Variants in IRAK3 observed in about 807,000 individuals in gnomAD.
IRAK3 encodes interleukin 1 receptor associated kinase 3.
In IRAK3, 57 loss-of-function variants were observed where a neutral mutation model predicts 56.6. The observed-to-expected ratio is 1.01, with a 90% CI of 0.81 to 1.26. The LOEUF is 1.26. Ranked by LOEUF, IRAK3 falls within the 50% of genes most tolerant of loss-of-function variation. IRAK3 has a pLI of 0.00. For synonymous variants in IRAK3, 258 were observed against 255.7 expected (o/e 1.01, Z -0.09); for missense variants, 703 against 719.0 (o/e 0.98, Z 0.25).
intron 8 of IRAK3, among the ~76,000 whole-genome samples, chr12:66,243,316 T>A (rs1044246799): frequency 1.3e-5 from 2 of 152,226 alleles, no homozygotes; most frequent in African/African-American, 2.4e-5. Context: ...GGAGCTTTTG[T>A]AAGATCCAAA....
rs533116093 is a variant in IRAK3 at position 66,220,998 on chromosome 12, G to C, written c.653+3763G>C. 3.2e-4 allele frequency among the ~76,000 whole-genome samples: 49 copies of C among 152,196 alleles called. 1 individual carries two copies. The highest frequency in any genetic ancestry group is 2.9e-3 in the South Asian group (14 of 4,828). ...AACAATATTAATTCTTTCAATTCAG[G>C]TATGTAATGCATCTTTCCATTTATT... On this transcript the variant is annotated intron_variant, in intron 6 of 11. Transcript: ENST00000261233.
At chr12:66,234,713 C>T in intron 8 of IRAK3, 1 of 1,602,966 alleles carries the variant, frequency 6.2e-7, no homozygotes, top group Non-Finnish European at 8.5e-7. Flanking sequence ...AACAGCTTCA[C>T]ATTTTTCTGT....
At chr12:66,202,025 T>C (rs2052512785) in intron 1 of IRAK3, among the ~76,000 whole-genome samples, 1 of 152,214 alleles carries the variant, frequency 6.6e-6, no homozygotes, top group Non-Finnish European at 1.5e-5. Context: ...GGGGTATGGG[T>C]TGGCAATTCT....
At chr12:66,207,177 AT>A (rs2052565977) in intron 2 of IRAK3, among the ~76,000 whole-genome samples, 1 of 152,146 alleles carries the variant, frequency 6.6e-6, no homozygotes, top group African/African-American at 2.4e-5. Flanking sequence ...TTTTTAAAAA[AT>A]CTTCTATTTC....
In IRAK3 at chr12:66,204,778, GCACACACACA is replaced by G. The variant is rs59511601; in HGVS notation, c.316+918_316+927del. On this transcript the variant is annotated intron_variant, in intron 2 of 11. Coordinates refer to ENST00000261233, the MANE Select transcript of IRAK3 (RefSeq NM_007199.3). ...ATATTTAGTGCGCATGAGCCCTTGC[GCACACACACA>G]CACACACACACACACACACACACAC... Among the ~76,000 whole-genome samples, 770 of 147,902 alleles carry G rather than the reference GCACACACACA, an allele frequency of 5.2e-3. 9 individuals are homozygous for G. Among genetic ancestry groups the G allele is most frequent in the East Asian group, 0.014 (72 of 5,046 alleles).
At chr12:66,193,962 C>T (rs1415298430) in intron 1 of IRAK3, among the ~76,000 whole-genome samples, 2 of 152,178 alleles carry the variant, frequency 1.3e-5, no homozygotes, top group Admixed American at 6.5e-5. Context: ...GGATCTCACT[C>T]TGTCATCCAG....
chr12:66,216,527 G>T (rs993943705), intron 5 of IRAK3, among the ~76,000 whole-genome samples: 21 of 152,130 alleles, frequency 1.4e-4, no homozygotes, highest in African/African-American at 5.1e-4. Flanking sequence ...GTAGAAGTTG[G>T]AAACCTGAGA....
At chr12:66,238,091 A>T (rs2052926418) in intron 8 of IRAK3, among the ~76,000 whole-genome samples, 1 of 152,214 alleles carries the variant, frequency 6.6e-6, no homozygotes, top group African/African-American at 2.4e-5. Context: ...TGAAAAGTTT[A>T]TGGAGGAAGT....
intron 1 of IRAK3, among the ~76,000 whole-genome samples, chr12:66,202,845 A>G (rs1004974164): frequency 6.6e-6 from 1 of 151,816 alleles, no homozygotes; most frequent in Admixed American, 6.6e-5. Flanking sequence ...AAAAAAGAAC[A>G]CAAGAGCCAA....
intron 5 of IRAK3, among the ~76,000 whole-genome samples, chr12:66,214,890 C>T (rs1263674744): frequency 3.3e-5 from 5 of 152,036 alleles, no homozygotes; most frequent in Admixed American, 6.6e-5. Context: ...GTCTAAGAGA[C>T]GAGGTGAAGT....
intron 5 of IRAK3, among the ~76,000 whole-genome samples, chr12:66,213,723 C>T (rs987758855): frequency 2.0e-5 from 3 of 149,658 alleles, no homozygotes; most frequent in Non-Finnish European, 4.4e-5. Context: ...GAACGCCTTA[C>T]TTTCCTCTCA....
chr12:66,247,578 T>C (rs1340579174), intron 11 of IRAK3, 117 bp from the exon 12 acceptor site: 5 of 730,914 alleles, frequency 6.8e-6, no homozygotes, highest in East Asian at 5.3e-5. Flanking sequence ...TTCAAAATTC[T>C]ATAGCTGAAC....
chr12:66,221,479 A>G (rs1003926683), intron 6 of IRAK3, among the ~76,000 whole-genome samples: 1 of 152,174 alleles, frequency 6.6e-6, no homozygotes, highest in Non-Finnish European at 1.5e-5. Flanking sequence ...CTGTTAAGGT[A>G]TGATGTTAGC....
chr12:66,227,913 G>C (rs944634217), intron 7 of IRAK3, among the ~76,000 whole-genome samples: 5 of 152,268 alleles, frequency 3.3e-5, no homozygotes, highest in African/African-American at 1.2e-4. Flanking sequence ...AATAAAAGCA[G>C]ATTGTCTCAA....
chr12:66,245,370 A>C (rs914145479), intron 11 of IRAK3, 108 bp downstream of exon 11: 1 of 1,152,474 alleles, frequency 8.7e-7, no homozygotes, highest in African/African-American at 1.5e-5. Context: ...AGACAAATCC[A>C]GCCTCCAACA....
At chr12:66,210,400 C>T (rs960590458) in intron 4 of IRAK3, among the ~76,000 whole-genome samples, 199 bp downstream of exon 4, 1 of 151,228 alleles carries the variant, frequency 6.6e-6, no homozygotes, top group Non-Finnish European at 1.5e-5. Flanking sequence ...TGTTAAGGCT[C>T]CATTGGCTAA....
rs1419585637 is a variant in IRAK3, at chr12:66,250,901, T to A, written c.*2730T>A. The A allele has an allele frequency of 3.3e-5, 5 of 152,216 alleles. No homozygotes were observed. Among genetic ancestry groups the A allele is most frequent in the Admixed American group, 3.3e-4 (5 of 15,286 alleles). The allele number at this position is 152,216 out of a possible 1,614,324, so 9.4% of individuals were successfully genotyped here. Reference sequence around the variant, plus strand: ...TGCTTTCTAATGAGTTCCCAGGTGATGCTGATGCCAATGATGTGAAGCCCG... The same window carrying A: ...TGCTTTCTAATGAGTTCCCAGGTGAAGCTGATGCCAATGATGTGAAGCCCG... On this transcript the variant is annotated 3_prime_UTR_variant, in exon 12 of 12. Coordinates refer to ENST00000261233, the MANE Select transcript of IRAK3 (RefSeq NM_007199.3).
In IRAK3 at chr12:66,228,331, A is replaced by G. The variant is rs368501986; in HGVS notation, c.848A>G (p.Asn283Ser). Residue 283 changes from asparagine (N) to serine (S), a missense_variant, in exon 8 of 12, where the codon AAC (asparagine) becomes AGC (serine). Physicochemically the swap from Asn to Ser is conservative, Grantham distance 46. Transcript: ENST00000261233. ...GISKAIHYLHNVQPCSVICGS... is the reference protein window; with the variant it reads ...GISKAIHYLHSVQPCSVICGS... ...TCCAAAGCCATTCACTACCTGCACAACGTTCAACCATGCTCGGTCATCTGT... is the reference window on the plus strand; with the variant it reads ...TCCAAAGCCATTCACTACCTGCACAGCGTTCAACCATGCTCGGTCATCTGT... The G allele has an allele frequency of 1.9e-6, 3 of 1,613,940 alleles. No homozygotes were observed. The highest frequency in any genetic ancestry group is 2.2e-5 in the East Asian group (1 of 44,890).
In IRAK3 at chr12:66,248,005, G is replaced by T. The variant is rs1383257454; in HGVS notation, c.1625G>T (p.Ser542Ile). 1 of 1,601,114 alleles carries T rather than the reference G, an allele frequency of 6.2e-7. No individual in the cohort carries two copies. The highest frequency in any genetic ancestry group is 2.2e-5 in the East Asian group (1 of 44,788). ...CNMPSSSCEE[S>I]WFPKYIVPSQ... is the part of the protein sequence containing the mutation. ...ATGCCCAGTTCTTCTTGTGAAGAAAGTTGGTTCCCAAAGTATATAGTTCCA... is the reference window on the plus strand; with the variant it reads ...ATGCCCAGTTCTTCTTGTGAAGAAATTTGGTTCCCAAAGTATATAGTTCCA... The change falls in exon 12 of 12, where the codon AGT (serine) becomes ATT (isoleucine). Residue 542 changes from serine to isoleucine, a missense_variant. Ser to Ile is a moderately radical substitution (Grantham distance 142). Coordinates refer to ENST00000261233, the MANE Select transcript of IRAK3 (RefSeq NM_007199.3).
Sources: allele counts gnomAD v4.1 joint callset (sites outside exome capture counted in the v4.1 genomes callset), GRCh38; gene constraint gnomAD v4.1.1; transcripts MANE v1.5; gene names NCBI Gene and HGNC (gene_info 2026-07-23, HGNC 2026-07-21).